Variants in CSMD2 observed in about 807,000 individuals in gnomAD.
CSMD2 encodes CUB and sushi domain-containing protein 2.
A neutral mutation model predicts 398.5 loss-of-function variants in CSMD2; 130 were observed. That is an observed-to-expected ratio of 0.33 (90% CI 0.28 to 0.38). The LOEUF (loss-of-function observed/expected upper bound fraction) is 0.38, where lower values mean the gene tolerates loss of function less well. Ranked by LOEUF, CSMD2 falls within the 10% of genes least tolerant of loss-of-function variation. The pLI, the probability that CSMD2 is intolerant of heterozygous loss-of-function variation, is 1.00. For synonymous variants in CSMD2, 1,828 were observed against 1,908.5 expected (o/e 0.96, Z 1.10); for missense variants, 3,829 against 4,764.9 (o/e 0.80, Z 5.78).
chr1:33,919,434 G>C (rs980500544), intron 4 of CSMD2, among the ~76,000 whole-genome samples: 1 of 152,186 alleles, frequency 6.6e-6, no homozygotes, highest in African/African-American at 2.4e-5. Context: ...TTGTTTAGCA[G>C]CTCTGAACTA....
At chr1:33,755,627 A>G (rs1192689883) in intron 13 of CSMD2, among the ~76,000 whole-genome samples, 1 of 152,134 alleles carries the variant, frequency 6.6e-6, no homozygotes, top group East Asian at 1.9e-4. Flanking sequence ...AAAACCATAA[A>G]TTGTGCCCAA....
intron 60 of CSMD2, 32 bp downstream of exon 60, chr1:33,540,493 G>T: frequency 6.2e-7 from 1 of 1,611,764 alleles, no homozygotes; most frequent in Non-Finnish European, 8.5e-7. Context: ...CTATTGAAGA[G>T]GATGCACCAA....
chr1:33,553,509 G>A (rs970250746), intron 55 of CSMD2, among the ~76,000 whole-genome samples: 1 of 152,140 alleles, frequency 6.6e-6, no homozygotes, highest in African/African-American at 2.4e-5. Context: ...CACCAATATT[G>A]AAATTAGGCC....
intron 12 of CSMD2, among the ~76,000 whole-genome samples, chr1:33,780,091 T>C: frequency 6.6e-6 from 1 of 152,096 alleles, no homozygotes; most frequent in East Asian, 1.9e-4. Flanking sequence ...GAGTAATAAG[T>C]CATTTAAGCT....
At chr1:33,910,869 T>A (rs1643411062) in intron 5 of CSMD2, among the ~76,000 whole-genome samples, 1 of 152,204 alleles carries the variant, frequency 6.6e-6, no homozygotes, top group African/African-American at 2.4e-5. Context: ...ACTTTTCAGT[T>A]AAAGAGGCCA....
chr1:33,777,310 A>C (rs1652125890), intron 12 of CSMD2, among the ~76,000 whole-genome samples: 1 of 152,188 alleles, frequency 6.6e-6, no homozygotes, highest in African/African-American at 2.4e-5. Flanking sequence ...GAGGAAGAAC[A>C]GAGCAGGGTG....
At chr1:33,875,642 G>A (rs1000253865) in intron 5 of CSMD2, 2 of 152,238 alleles carry the variant, frequency 1.3e-5, no homozygotes, top group African/African-American at 4.8e-5. Flanking sequence ...TTAATTGGGG[G>A]AGGGTTCAAG....
chr1:33,832,824 C>T (rs567469349), intron 6 of CSMD2, among the ~76,000 whole-genome samples: 40 of 152,140 alleles, frequency 2.6e-4, no homozygotes, highest in Middle Eastern at 3.4e-3. Context: ...GGGATATCAC[C>T]ACTGATCCCA....
At position 33,724,273 on chromosome 1, in the gene CSMD2, G is replaced by T; in HGVS notation, c.2925C>A (p.Ile975=). ...GGFIQGSSGT[I]LSPGFPDFYP... ...AGAAGTCAGGGAACCCTGGCGACAA[G>T]ATGGTCCCACTGGAGCCTTGAATGA... The change falls in exon 19 of 71, where the codon ATC becomes ATA. Residue 975 remains isoleucine (I), a synonymous_variant. Transcript: ENST00000373381. The T allele has an allele frequency of 6.2e-7, 1 of 1,614,106 alleles. No individual in the cohort carries two copies. The highest frequency in any genetic ancestry group is 8.5e-7 in the Non-Finnish European group (1 of 1,179,986).
rs573688632 is a variant in CSMD2 at position 33,695,776 on chromosome 1, C to A, written c.3926-2720G>T. ...GCCCACTGAGCCCACCAGAGTGGCT[C>A]CCTTTGGCCTCCGTGAACTCTTTGG... On this transcript the variant is annotated intron_variant, in intron 24 of 70. Coordinates refer to ENST00000373381, the MANE Select transcript of CSMD2 (RefSeq NM_001281956.2). 2.0e-5 allele frequency among the ~76,000 whole-genome samples: 3 copies of A among 152,312 alleles called. No individual in the cohort carries two copies. In the South Asian group the frequency reaches 6.2e-4, roughly 32 times the overall value.
intron 3 of CSMD2, among the ~76,000 whole-genome samples, chr1:34,004,379 G>A (rs1044470899): frequency 6.6e-6 from 1 of 152,182 alleles, no homozygotes; most frequent in Non-Finnish European, 1.5e-5. Context: ...AATCATGGAA[G>A]TAGGCTAAAG....
chr1:33,576,318 C>T (rs1265738994), intron 49 of CSMD2, among the ~76,000 whole-genome samples: 1 of 152,114 alleles, frequency 6.6e-6, no homozygotes, highest in Non-Finnish European at 1.5e-5. Context: ...AGTCCAGGCG[C>T]GGTGGCTCAC....
intron 1 of CSMD2, among the ~76,000 whole-genome samples, chr1:34,130,147 A>G (rs1558434008): frequency 1.3e-5 from 2 of 152,246 alleles, no homozygotes; most frequent in East Asian, 1.9e-4. Flanking sequence ...GAGTCCCTGT[A>G]GTCATCCTCA....
chr1:33,864,228 GTC>G, intron 5 of CSMD2: 1 of 1,610,522 alleles, frequency 6.2e-7, no homozygotes, highest in Non-Finnish European at 8.5e-7. Context: ...TAAGGCAAAT[GTC>G]TCTTCTTACG....
chr1:33,583,248 C>T (rs1320102330), intron 47 of CSMD2, among the ~76,000 whole-genome samples: 1 of 152,168 alleles, frequency 6.6e-6, no homozygotes, highest in Non-Finnish European at 1.5e-5. Flanking sequence ...ACATGCCCTC[C>T]AAATTAAAGA....
intron 23 of CSMD2, among the ~76,000 whole-genome samples, chr1:33,699,727 G>A (rs916413057): frequency 6.6e-6 from 1 of 152,200 alleles, no homozygotes; most frequent in Non-Finnish European, 1.5e-5. Context: ...CCCACCTAAT[G>A]TGTACAATCC....
In CSMD2 at chr1:34,047,749, A is replaced by G. The variant is rs548941257; in HGVS notation, c.405-15043T>C. Among the ~76,000 whole-genome samples, 57 of 152,320 alleles carry G rather than the reference A, an allele frequency of 3.7e-4. No homozygotes were observed. The Middle Eastern group carries it at 0.02, about 55-fold the overall frequency. On this transcript the variant is annotated intron_variant, in intron 2 of 70. Transcript: ENST00000373381. ...ATCTAAAAAGATAAATTGTTAGCCA[A>G]TCATCCAAAGGGCATGGCGGGCTGT...
intron 3 of CSMD2, among the ~76,000 whole-genome samples, chr1:33,942,996 C>G (rs1558139444): frequency 6.6e-6 from 1 of 152,146 alleles, no homozygotes; most frequent in Non-Finnish European, 1.5e-5. Flanking sequence ...AGTGCATTGT[C>G]CTCAGCAATG....
chr1:33,743,265 A>G lies in CSMD2; in HGVS notation c.2173+15T>C. 1 of 1,576,404 alleles carries G rather than the reference A, an allele frequency of 6.3e-7. No homozygotes were observed. Among genetic ancestry groups the G allele is most frequent in the East Asian group, 2.3e-5 (1 of 44,412 alleles). On this transcript the variant is annotated intron_variant, in intron 14 of 70. Coordinates refer to ENST00000373381, the MANE Select transcript of CSMD2 (RefSeq NM_001281956.2). ...CTCAGATGGAGGGCCAGCTGGTGAC[A>G]GAGGGAGGACTCACTGGTAAAAGTG...
Sources: gnomAD v4.1 joint callset for allele counts (sites outside exome capture counted in the v4.1 genomes callset) on GRCh38, gnomAD v4.1.1 for gene constraint, MANE v1.5 for transcripts, NCBI Gene and HGNC (gene_info 2026-07-23, HGNC 2026-07-21) for gene names.